TEP1: variants seen among roughly 807,000 people sequenced by gnomAD.
TEP1 encodes the protein telomerase protein component 1.
Under a neutral mutation model 306.3 loss-of-function variants are expected in TEP1, and 241 were observed. That is an observed-to-expected ratio of 0.79 (90% CI 0.71 to 0.88). TEP1 has a LOEUF of 0.88. Among genes scored for constraint, TEP1 ranks in the 40% least tolerant of loss-of-function variants. TEP1 has a pLI of 0.00. For synonymous variants in TEP1, 1,289 were observed against 1,305.5 expected (o/e 0.99, Z 0.27); for missense variants, 3,051 against 3,276.1 (o/e 0.93, Z 1.68).
At chr14:20,410,802 GTTTTTT>G (rs61662364) in intron 1 of TEP1, among the ~76,000 whole-genome samples, 4 of 25,224 alleles carry the variant, frequency 1.6e-4, no homozygotes, top group Non-Finnish European at 3.4e-4. Flanking sequence ...CTCCTTTGTG[GTTTTTT>G]TTTTTTTTTT....
At chr14:20,369,865 G>T in intron 51 of TEP1, 86 bp from the exon 52 acceptor site, 1 of 1,057,990 alleles carries the variant, frequency 9.5e-7, no homozygotes, top group East Asian at 2.5e-5. Context: ...CTCTGGGCTG[G>T]TCAGGAATTT....
chr14:20,389,567 C>G (rs1877518905), intron 16 of TEP1, 43 bp downstream of exon 16: 2 of 1,607,416 alleles, frequency 1.2e-6, no homozygotes, highest in African/African-American at 2.7e-5. Flanking sequence ...GAAATGTAGA[C>G]CACTGATTTC....
At chr14:20,410,800 T>TG (rs760829622) in intron 1 of TEP1, among the ~76,000 whole-genome samples, 1 of 33,526 alleles carries the variant, frequency 3.0e-5, no homozygotes, top group African/African-American at 1.4e-4. Context: ...TTCTCCTTTG[T>TG]GGTTTTTTTT....
chr14:20,401,173 T>C (rs767000457), intron 8 of TEP1, 32 bp from the exon 9 acceptor site: 1 of 1,609,922 alleles, frequency 6.2e-7, no homozygotes, highest in South Asian at 1.1e-5. Flanking sequence ...GTCTATCATT[T>C]CAGAGTCAGC....
At position 20,367,213 on chromosome 14, in the gene TEP1, A is replaced by C. The variant is rs1333879285; in HGVS notation, c.*1224T>G. 6.6e-6 allele frequency: 1 copy of C among 152,208 alleles called. No individual in the cohort carries two copies. Among genetic ancestry groups the C allele is most frequent in the Non-Finnish European group, 1.5e-5 (1 of 68,064 alleles). 9.4% of individuals were successfully genotyped at this position (152,208 alleles called of 1,614,324 possible). On this transcript the variant is annotated 3_prime_UTR_variant, in exon 55 of 55. Transcript: ENST00000262715. Reference sequence around the variant, plus strand: ...ACTTCGTCTCTACTGAAATACAAAAATTAGCTGGGCGTGGTGGTGGGCACC... The same window carrying C: ...ACTTCGTCTCTACTGAAATACAAAACTTAGCTGGGCGTGGTGGTGGGCACC...
rs1264242119 is a variant in TEP1, at chr14:20,373,289, C to A, written c.6795G>T (p.Trp2265Cys). Residue 2265 changes from tryptophan to cysteine, a missense_variant, in exon 47 of 55, where the codon TGG becomes TGT. Transcript: ENST00000262715. ...TASEDGSVRL[W>C]QVPKEADDTC... ...ACTCACCTGCTTCCTTAGGAACCTG[C>A]CAGAGCCGTACAGAACCATCCTCAG... 1 of 1,614,170 alleles carries A rather than the reference C, an allele frequency of 6.2e-7. No individual in the cohort carries two copies. The highest frequency in any genetic ancestry group is 1.1e-5 in the South Asian group (1 of 91,078).
chr14:20,407,981 C>T lies in TEP1; in HGVS notation c.459G>A (p.Glu153=). 1.2e-6 allele frequency: 2 copies of T among 1,614,178 alleles called. No homozygotes were observed. Among genetic ancestry groups the T allele is most frequent in the Non-Finnish European group, 1.7e-6 (2 of 1,180,036 alleles). ...AATGCTGAGCCCTCCAACTTGGAGGCTCAGAGAGCAGGCAATTGCTGTTGT... is the reference window on the plus strand; with the variant it reads ...AATGCTGAGCCCTCCAACTTGGAGGTTCAGAGAGCAGGCAATTGCTGTTGT... ...RVNNSNCLLS[E]PPSWRAQHFS... Residue 153 remains glutamate, a synonymous_variant, in exon 2 of 55, where the codon GAG becomes GAA. Transcript: ENST00000262715.
chr14:20,410,048 A>T (rs1458519673), intron 1 of TEP1, among the ~76,000 whole-genome samples: 8 of 141,540 alleles, frequency 5.7e-5, no homozygotes, highest in Non-Finnish European at 1.1e-4. Flanking sequence ...AAAAAAAAAA[A>T]AAAAAAAATG....
At chr14:20,410,020 C>CAAAAAAAAAAAAAAAAA (rs570672845) in intron 1 of TEP1, among the ~76,000 whole-genome samples, 10 of 58,954 alleles carry the variant, frequency 1.7e-4, no homozygotes, top group African/African-American at 2.0e-4. Flanking sequence ...GACTCTGTCT[C>CAAAAAAAAAAAAAAAAA]AAAAAAAAAA....
At chr14:20,404,957 C>T (rs1187448836) in intron 4 of TEP1, among the ~76,000 whole-genome samples, 185 bp from the exon 5 acceptor site, 1 of 152,186 alleles carries the variant, frequency 6.6e-6, no homozygotes, top group Non-Finnish European at 1.5e-5. Context: ...ATCCCTTACT[C>T]AACTTTCCAG....
At chr14:20,389,940 T>C (rs973907651) in intron 15 of TEP1, among the ~76,000 whole-genome samples, 200 bp from the exon 16 acceptor site, 7 of 152,228 alleles carry the variant, frequency 4.6e-5, no homozygotes, top group African/African-American at 1.7e-4. Flanking sequence ...GGCAGTGGTA[T>C]ACTGCAGCTG....
In TEP1 at chr14:20,377,497, A is replaced by T. The variant is rs776493679; in HGVS notation, c.5876-5T>A. 3 of 1,613,482 alleles carry T rather than the reference A, an allele frequency of 1.9e-6. No individual in the cohort carries two copies. The South Asian group carries it at 3.3e-5, about 18-fold the overall frequency. On this transcript the variant is annotated splice_polypyrimidine_tract_variant and splice_region_variant and intron_variant, in intron 40 of 54. Transcript: ENST00000262715. ...GACCCTGAGCCCCCTGGGAACCTAG[A>T]GAATGAGAGAGAACAAGGGAGTAAG...
chr14:20,392,847 G>C (rs988355033), intron 12 of TEP1, among the ~76,000 whole-genome samples: 1 of 152,020 alleles, frequency 6.6e-6, no homozygotes, highest in African/African-American at 2.4e-5. Flanking sequence ...AAGGAAAGGT[G>C]AAATAAAATG....
intron 13 of TEP1, 115 bp downstream of exon 13, chr14:20,391,483 AT>A: frequency 8.1e-7 from 1 of 1,230,154 alleles, no homozygotes; most frequent in Non-Finnish European, 1.1e-6. Flanking sequence ...AATTCATATC[AT>A]TTATTTCAGT....
rs889995598 is a variant in TEP1 at position 20,367,074 on chromosome 14, C to A, written c.*1363G>T. 1.1e-4 allele frequency: 16 copies of A among 152,170 alleles called. No homozygotes were observed. The highest frequency in any genetic ancestry group is 6.5e-4 in the Admixed American group (10 of 15,274). The allele number at this position is 152,170 out of a possible 1,614,324, so 9.4% of individuals were successfully genotyped here. On this transcript the variant is annotated 3_prime_UTR_variant, in exon 55 of 55. Transcript: ENST00000262715. ...TGAATTTTAGAAATATAATAAAGTT[C>A]TTTTATGGGCCGGGCACAATGGCTC... is the stretch of plus-strand genomic sequence containing the variant.
rs572689091 is a variant in TEP1, at chr14:20,384,065, C to T, written c.3507G>A (p.Gln1169=). ...GGAAGGCTGTCTTGCCCTGTCCTGA[C>T]TGCCCCGTCACCAGGCTCAGCCTTC... ...PHGRLSLVTG[Q]SGQGKTAFLA... is the part of the protein sequence containing the mutation. The change falls in exon 24 of 55, where the codon CAG becomes CAA. Residue 1169 remains glutamine, a synonymous_variant. Coordinates refer to ENST00000262715, the MANE Select transcript of TEP1 (RefSeq NM_007110.5). The T allele has an allele frequency of 5.0e-6, 8 of 1,612,168 alleles. No homozygotes were observed. The South Asian group carries it at 5.5e-5, about 11-fold the overall frequency.
In TEP1 at chr14:20,401,031, T is replaced by C. The variant is rs775316097; in HGVS notation, c.1502A>G (p.Glu501Gly). Reference sequence around the variant, plus strand: ...CGCTTTGTTCCCCCGTAGGCTCAGCTCCCGCTCCCAGGTCTCTGGCCTAGA... The same window carrying C: ...CGCTTTGTTCCCCCGTAGGCTCAGCCCCCGCTCCCAGGTCTCTGGCCTAGA... ...KLSRPETWER[E>G]LSLRGNKASV... The change falls in exon 9 of 55, where the codon GAG (glutamate) becomes GGG (glycine). Residue 501 changes from glutamate (E) to glycine (G), a missense_variant. Glu to Gly is a moderately conservative substitution (Grantham distance 98). This residue lies in a region of TEP1 where 1,507 missense variants were observed against 1,550.5 expected (regional missense o/e 0.97). Transcript: ENST00000262715. 6.2e-7 allele frequency: 1 copy of C among 1,614,168 alleles called. No homozygotes were observed. Among genetic ancestry groups the C allele is most frequent in the Admixed American group, 1.7e-5 (1 of 60,004 alleles).
rs1389575872 is a variant in TEP1 at position 20,380,933 on chromosome 14, T to A, written c.4760A>T (p.Tyr1587Phe). ...ACCCAGCCAGTGACTCATCTCACCA[T>A]AGAGGGCATGGGCCTCCAAGAGCCG... ...VSRLLEAHAL[Y>F]ASSVPKEEQK... is the part of the protein sequence containing the mutation. The change falls in exon 33 of 55, where the codon TAT becomes TTT. Residue 1587 changes from tyrosine to phenylalanine, a missense_variant and splice_region_variant. Tyr to Phe is a conservative substitution (Grantham distance 22). Transcript: ENST00000262715. The A allele has an allele frequency of 1.2e-6, 2 of 1,613,316 alleles. No individual in the cohort carries two copies. Among genetic ancestry groups the A allele is most frequent in the Non-Finnish European group, 1.7e-6 (2 of 1,179,482 alleles).
chr14:20,408,456 G>A lies in TEP1; in HGVS notation c.-17C>T. The A allele has an allele frequency of 1.2e-6, 2 of 1,605,224 alleles. No homozygotes were observed. On this transcript the variant is annotated 5_prime_UTR_variant, in exon 2 of 55. Transcript: ENST00000262715. ...TTTTTCCATGGCTGAAACTCAGCTTGTATATGCCTAGAAGGAGAGAAAGAC... is the reference window on the plus strand; with the variant it reads ...TTTTTCCATGGCTGAAACTCAGCTTATATATGCCTAGAAGGAGAGAAAGAC...
Sources: gnomAD v4.1 joint callset for allele counts (sites outside exome capture counted in the v4.1 genomes callset) on GRCh38, gnomAD v4.1.1 for gene constraint, gnomAD v4.1.1 regional missense constraint, MANE v1.5 for transcripts, NCBI Gene and HGNC (gene_info 2026-07-23, HGNC 2026-07-21) for gene names.